GPC6: variants seen among roughly 807,000 people sequenced by gnomAD.
GPC6 encodes the protein glypican-6.
In GPC6, 14 loss-of-function variants were observed where a neutral mutation model predicts 55.2. That is an observed-to-expected ratio of 0.25 (90% CI 0.17 to 0.40). The LOEUF is 0.40. Ranked by LOEUF, GPC6 falls within the 10% of genes least tolerant of loss-of-function variation. The pLI is 1.00. For synonymous variants in GPC6, 278 were observed against 259.6 expected (o/e 1.07, Z -0.68); for missense variants, 641 against 708.5 (o/e 0.90, Z 1.08).
At chr13:93,440,148 A>G (rs1282429201) in intron 1 of GPC6, among the ~76,000 whole-genome samples, 1 of 152,212 alleles carries the variant, frequency 6.6e-6, no homozygotes, top group Non-Finnish European at 1.5e-5. Context: ...CTGATAATCA[A>G]GGCCAAGAGT....
chr13:94,326,203 G>C (rs985662364), intron 6 of GPC6, among the ~76,000 whole-genome samples: 37 of 89,874 alleles, frequency 4.1e-4, no homozygotes, highest in African/African-American at 1.7e-3. Context: ...TGGTATGCTT[G>C]TGCACACACA....
chr13:93,605,324 C>G (rs1475440988), intron 2 of GPC6, among the ~76,000 whole-genome samples: 1 of 152,154 alleles, frequency 6.6e-6, no homozygotes, highest in African/African-American at 2.4e-5. Flanking sequence ...AGTTTTAAAA[C>G]AATGTCTTCC....
In GPC6 at chr13:93,590,454, A is replaced by G. The variant is rs550458296; in HGVS notation, c.319+45033A>G. 5.3e-4 allele frequency among the ~76,000 whole-genome samples: 80 copies of G among 152,276 alleles called. No homozygotes were observed. The South Asian group carries it at 0.013, about 25-fold the overall frequency. Reference sequence around the variant, plus strand: ...GTATAACTACAAATAATAGCTTTCTATTGTTTTAAAATAGATATTCTAGTA... The same window carrying G: ...GTATAACTACAAATAATAGCTTTCTGTTGTTTTAAAATAGATATTCTAGTA... On this transcript the variant is annotated intron_variant, in intron 2 of 8. Transcript: ENST00000377047.
intron 1 of GPC6, among the ~76,000 whole-genome samples, chr13:93,276,064 CA>C (rs1877723869): frequency 6.6e-6 from 1 of 152,072 alleles, no homozygotes; most frequent in African/African-American, 2.4e-5. Flanking sequence ...TTAGTAGAGA[CA>C]GGGTTTCACC....
chr13:93,747,286 C>G (rs1884428470), intron 2 of GPC6, among the ~76,000 whole-genome samples: 2 of 152,172 alleles, frequency 1.3e-5, no homozygotes, highest in African/African-American at 4.8e-5. Flanking sequence ...ACATCAATGA[C>G]AAGAGATGTG....
intron 1 of GPC6, among the ~76,000 whole-genome samples, chr13:93,427,404 T>C (rs1470079192): frequency 1.3e-5 from 2 of 151,428 alleles, no homozygotes; most frequent in South Asian, 2.1e-4. Flanking sequence ...AAAACAGAGA[T>C]ATAGATCAAT....
chr13:93,693,469 G>A (rs1177339566), intron 2 of GPC6, among the ~76,000 whole-genome samples: 3 of 137,474 alleles, frequency 2.2e-5, no homozygotes, highest in East Asian at 4.0e-4. Context: ...ATCTGTGTGT[G>A]TGTGTGTGTG....
chr13:94,293,457 T>C (rs1875120724), intron 5 of GPC6, among the ~76,000 whole-genome samples: 1 of 152,190 alleles, frequency 6.6e-6, no homozygotes, highest in African/African-American at 2.4e-5. Context: ...CTGCTTCTCC[T>C]GCCATGATTT....
At chr13:93,745,335 G>T (rs1318406246) in intron 2 of GPC6, among the ~76,000 whole-genome samples, 1 of 151,880 alleles carries the variant, frequency 6.6e-6, no homozygotes, top group Non-Finnish European at 1.5e-5. Context: ...TGCCTGGAAT[G>T]ACTCCTTTTT....
At chr13:93,462,190 G>A (rs1878715880) in intron 1 of GPC6, among the ~76,000 whole-genome samples, 1 of 152,116 alleles carries the variant, frequency 6.6e-6, no homozygotes, top group Non-Finnish European at 1.5e-5. Flanking sequence ...TGTTGGATGA[G>A]ATTCAAAATA....
intron 4 of GPC6, among the ~76,000 whole-genome samples, chr13:94,112,659 A>AT (rs1214054549): frequency 1.3e-5 from 2 of 152,024 alleles, no homozygotes; most frequent in African/African-American, 2.4e-5. Context: ...TTAAGGTGTT[A>AT]TTTTTTTGTT....
intron 3 of GPC6, among the ~76,000 whole-genome samples, chr13:93,944,364 T>C (rs956203690): frequency 2.0e-5 from 3 of 151,768 alleles, no homozygotes; most frequent in African/African-American, 7.3e-5. Flanking sequence ...CCACCATGCC[T>C]AGCTAATTTT....
At chr13:94,200,847 A>G (rs1328325109) in intron 4 of GPC6, among the ~76,000 whole-genome samples, 1 of 152,210 alleles carries the variant, frequency 6.6e-6, no homozygotes, top group East Asian at 1.9e-4. Flanking sequence ...ATTAGTGGCC[A>G]CACTGGGTTT....
intron 1 of GPC6, among the ~76,000 whole-genome samples, chr13:93,277,864 G>T (rs1056348363): frequency 6.6e-6 from 1 of 151,892 alleles, no homozygotes; most frequent in African/African-American, 2.4e-5. Flanking sequence ...TGAAATTAAG[G>T]GTTTTTATGT....
intron 2 of GPC6, among the ~76,000 whole-genome samples, chr13:93,634,566 T>C (rs759253692): frequency 6.6e-6 from 1 of 152,344 alleles, no homozygotes; most frequent in Middle Eastern, 3.4e-3. Context: ...TCCAGACATA[T>C]GTTTTGTGGT....
chr13:94,125,521 AT>A lies in GPC6; in HGVS notation c.877+97631del, dbSNP rs950083645. 2.0e-4 allele frequency among the ~76,000 whole-genome samples: 30 copies of A among 152,212 alleles called. 1 individual carries two copies. Among genetic ancestry groups the A allele is most frequent in the African/African-American group, 6.7e-4 (28 of 41,548 alleles). On this transcript the variant is annotated intron_variant, in intron 4 of 8. Coordinates refer to ENST00000377047, the MANE Select transcript of GPC6 (RefSeq NM_005708.5). ...AAGGCTTTTAAAAATATAGTTATTC[AT>A]TTTGAAAAACTCTCTCTTTCTGAAA...
chr13:93,707,301 C>G (rs530700323), intron 2 of GPC6, among the ~76,000 whole-genome samples: 11 of 151,654 alleles, frequency 7.3e-5, no homozygotes, highest in African/African-American at 2.4e-4. Flanking sequence ...GGCTTAATAC[C>G]TGGGTGATGA....
At chr13:94,321,978 T>G (rs1377926661) in intron 6 of GPC6, among the ~76,000 whole-genome samples, 1 of 152,228 alleles carries the variant, frequency 6.6e-6, no homozygotes, top group Non-Finnish European at 1.5e-5. Context: ...TTTTTTCTCC[T>G]TGCTGGCACC....
chr13:93,304,981 C>T (rs1392083902), intron 1 of GPC6, among the ~76,000 whole-genome samples: 1 of 152,184 alleles, frequency 6.6e-6, no homozygotes, highest in Non-Finnish European at 1.5e-5. Flanking sequence ...AGCCTTCATT[C>T]CTCAACTTCA....
Sources: gnomAD v4.1 joint callset for allele counts (sites outside exome capture counted in the v4.1 genomes callset) on GRCh38, gnomAD v4.1.1 for gene constraint, MANE v1.5 for transcripts, NCBI Gene and HGNC (gene_info 2026-07-23, HGNC 2026-07-21) for gene names.